GARRE1: variants seen among roughly 807,000 people sequenced by gnomAD.
GARRE1 encodes the protein granule associated Rac and RHOG effector protein 1.
Under a neutral mutation model 103.2 loss-of-function variants are expected in GARRE1, and 49 were observed. The observed-to-expected ratio is 0.47, with a 90% CI of 0.38 to 0.60. GARRE1 has a LOEUF of 0.60. Among genes scored for constraint, GARRE1 ranks in the 20% least tolerant of loss-of-function variants. GARRE1 has a pLI of 0.00. For synonymous variants in GARRE1, 505 were observed against 532.8 expected (o/e 0.95, Z 0.72); for missense variants, 1,199 against 1,370.5 (o/e 0.87, Z 1.98).
At chr19:34,338,489 G>C (rs1004336519) in intron 8 of GARRE1, among the ~76,000 whole-genome samples, 11 of 152,154 alleles carry the variant, frequency 7.2e-5, no homozygotes, top group Admixed American at 3.9e-4. Context: ...AGTGAGCTTT[G>C]ATCACACCAC....
At chr19:34,313,061 G>A (rs1599768478) in intron 2 of GARRE1, among the ~76,000 whole-genome samples, 1 of 152,234 alleles carries the variant, frequency 6.6e-6, no homozygotes, top group East Asian at 1.9e-4. Flanking sequence ...ATGGGGAGTA[G>A]TGGGGAAGAG....
chr19:34,327,683 T>C, intron 4 of GARRE1, 88 bp from the exon 5 acceptor site: 1 of 1,480,528 alleles, frequency 6.8e-7, no homozygotes, highest in Non-Finnish European at 9.3e-7. Context: ...TTAATAGCTA[T>C]AGAAATTTAA....
chr19:34,348,176 G>C, intron 11 of GARRE1, 134 bp downstream of exon 11: 1 of 727,996 alleles, frequency 1.4e-6, no homozygotes, highest in Non-Finnish European at 2.0e-6. Context: ...GTGAGAGAGT[G>C]ACATGGGATG....
Position 34,354,784 on chromosome 19 carries a change from G to A in GARRE1, c.*1829G>A, listed in dbSNP as rs1427818225. On this transcript the variant is annotated 3_prime_UTR_variant, in exon 14 of 14. Coordinates refer to ENST00000299505, the MANE Select transcript of GARRE1 (RefSeq NM_014686.5). ...CTGAGCCCAGCCACCTGAGTTTTTAGTACTGTGTTGTCAGGCTCTTCCCAG... is the reference window on the plus strand; with the variant it reads ...CTGAGCCCAGCCACCTGAGTTTTTAATACTGTGTTGTCAGGCTCTTCCCAG... 1 of 152,578 alleles carries A rather than the reference G, an allele frequency of 6.6e-6. No homozygotes were observed. The highest frequency in any genetic ancestry group is 1.5e-5 in the Non-Finnish European group (1 of 68,066). The allele number at this position is 152,578 out of a possible 1,614,324, so 9.5% of individuals were successfully genotyped here.
chr19:34,259,935 T>G (rs545626589), intron 1 of GARRE1, among the ~76,000 whole-genome samples: 2 of 152,378 alleles, frequency 1.3e-5, no homozygotes, highest in African/African-American at 4.8e-5. Flanking sequence ...CTCATTCTTC[T>G]TGCTGCTGCC....
At chr19:34,261,059 C>T (rs928415056) in intron 1 of GARRE1, among the ~76,000 whole-genome samples, 1 of 152,180 alleles carries the variant, frequency 6.6e-6, no homozygotes, top group African/African-American at 2.4e-5. Context: ...ATGGGCGTGT[C>T]CCTGTTGTTG....
At chr19:34,346,280 T>C (rs192475722) in intron 10 of GARRE1, among the ~76,000 whole-genome samples, 2 of 152,268 alleles carry the variant, frequency 1.3e-5, no homozygotes, top group African/African-American at 4.8e-5. Context: ...TTTGACACTT[T>C]CTGTAAACGC....
At position 34,267,223 on chromosome 19, in the gene GARRE1, C is replaced by A. The variant is rs565131694; in HGVS notation, c.-796+12609C>A. 1.2e-4 allele frequency among the ~76,000 whole-genome samples: 19 copies of A among 152,284 alleles called. No homozygotes were observed. The South Asian group carries it at 3.3e-3, about 27-fold the overall frequency. On this transcript the variant is annotated intron_variant, in intron 1 of 13. Coordinates refer to ENST00000299505, the MANE Select transcript of GARRE1 (RefSeq NM_014686.5). ...AAGGCTGCAGTGAGCCGCGATCACA[C>A]AACTGCAGTACTCTAGCCTTGGCAA...
Position 34,300,841 on chromosome 19 carries a change from A to G in GARRE1, c.368A>G (p.His123Arg). ...ACACAGCTCAAAGATGTGCAGGAGC[A>G]TGTCATGGAAGCAGCCAGTCGGCTG... The part of the protein sequence containing the change: ...AATQLKDVQE[H>R]VMEAASRLTS... Residue 123 changes from histidine to arginine, a missense_variant, in exon 2 of 14, where the codon CAT becomes CGT. Physicochemically the swap from His to Arg is conservative, Grantham distance 29. Coordinates refer to ENST00000299505, the MANE Select transcript of GARRE1 (RefSeq NM_014686.5). The G allele has an allele frequency of 2.5e-6, 4 of 1,614,154 alleles. No homozygotes were observed. Among genetic ancestry groups the G allele is most frequent in the Non-Finnish European group, 3.4e-6 (4 of 1,180,050 alleles).
rs139445210 is a variant in GARRE1 at position 34,327,516 on chromosome 19, G to A, written c.801G>A (p.Glu267=). 81 of 1,614,100 alleles carry A rather than the reference G, an allele frequency of 5.0e-5. No individual in the cohort carries two copies. The highest frequency in any genetic ancestry group is 6.4e-5 in the Non-Finnish European group (76 of 1,180,014). The change falls in exon 4 of 14, where the codon GAG becomes GAA. Residue 267 remains glutamate (E), a synonymous_variant. Coordinates refer to ENST00000299505, the MANE Select transcript of GARRE1 (RefSeq NM_014686.5). ...GTTCTCAAAGTGCAGCAATTCCTGA[G>A]CACCAGCTAAAAGAACTGAACATAA... ...LFCSQSAAIP[E]HQLKELNIKI... is the part of the protein sequence containing the mutation.
Position 34,300,551 on chromosome 19 carries a change from G to C in GARRE1, c.78G>C (p.Val26=), listed in dbSNP as rs915180197. The C allele has an allele frequency of 6.2e-7, 1 of 1,613,560 alleles. No homozygotes were observed. Among genetic ancestry groups the C allele is most frequent in the Admixed American group, 1.7e-5 (1 of 60,010 alleles). The change falls in exon 2 of 14, where the codon GTG becomes GTC. Residue 26 remains valine, a synonymous_variant. Transcript: ENST00000299505. ...TGCTTGGCGGGTCCAAGCAGAAGGTGCAGCAGCACCAGCAATACCCGATGC... is the reference window on the plus strand; with the variant it reads ...TGCTTGGCGGGTCCAAGCAGAAGGTCCAGCAGCACCAGCAATACCCGATGC... The part of the protein sequence containing the change: ...RFLLGGSKQK[V]QQHQQYPMPE...
chr19:34,273,160 C>T (rs866906261), intron 1 of GARRE1, among the ~76,000 whole-genome samples: 1 of 152,198 alleles, frequency 6.6e-6, no homozygotes, highest in South Asian at 2.1e-4. Flanking sequence ...CGAGATTGTG[C>T]CACTGTACTC....
chr19:34,297,436 A>C (rs2073953371), intron 1 of GARRE1, among the ~76,000 whole-genome samples: 1 of 152,224 alleles, frequency 6.6e-6, no homozygotes, highest in South Asian at 2.1e-4. Context: ...TTTTTTAATT[A>C]GGTAAGCATA....
intron 2 of GARRE1, among the ~76,000 whole-genome samples, chr19:34,319,058 C>A (rs1170431885): frequency 6.6e-6 from 1 of 151,924 alleles, no homozygotes; most frequent in African/African-American, 2.4e-5. Context: ...CACATTGTAA[C>A]TGTGGTTTAT....
In GARRE1 at chr19:34,286,533, C is replaced by CTT. The variant is rs34242130; in HGVS notation, c.-795-13132_-795-13131dup. On this transcript the variant is annotated intron_variant, in intron 1 of 13. Transcript: ENST00000299505. ...CGTGCCCAGCCAACCTTTCTGTATT[C>CTT]TTTTTTTTTTTTTTTGAGACGGAGT... is the stretch of plus-strand genomic sequence containing the variant. Among the ~76,000 whole-genome samples the CTT allele has an allele frequency of 6.0e-4, 63 of 105,794 alleles. No homozygotes were observed. The South Asian group carries it at 0.018, about 30-fold the overall frequency. The allele number at this position is 105,794 out of a possible 152,430, so 69.4% of individuals were successfully genotyped here. A position where few individuals can be genotyped will look rare whatever the true frequency, so the allele number is the denominator to read the frequency against.
chr19:34,343,820 C>G (rs1382241234), intron 10 of GARRE1, among the ~76,000 whole-genome samples: 3 of 152,182 alleles, frequency 2.0e-5, no homozygotes, highest in Non-Finnish European at 4.4e-5. Flanking sequence ...GCAGCCCAGC[C>G]TGGGCAACAA....
intron 2 of GARRE1, among the ~76,000 whole-genome samples, chr19:34,314,330 A>G (rs954208806): frequency 7.2e-5 from 11 of 152,348 alleles, no homozygotes; most frequent in Admixed American, 7.2e-4. Flanking sequence ...AGCAAACTAT[A>G]AACACACAAT....
chr19:34,291,711 A>G (rs569268506), intron 1 of GARRE1, among the ~76,000 whole-genome samples: 10 of 152,332 alleles, frequency 6.6e-5, no homozygotes, highest in South Asian at 2.1e-4. Flanking sequence ...TCTCACGTCT[A>G]TACACTATTG....
chr19:34,266,230 G>A (rs1217544425), intron 1 of GARRE1, among the ~76,000 whole-genome samples: 5 of 152,332 alleles, frequency 3.3e-5, no homozygotes, highest in East Asian at 1.9e-4. Context: ...GAACCACTGC[G>A]GGCCTGCTCT....
Sources: gnomAD v4.1 joint callset for allele counts (sites outside exome capture counted in the v4.1 genomes callset) on GRCh38, gnomAD v4.1.1 for gene constraint, MANE v1.5 for transcripts, NCBI Gene and HGNC (gene_info 2026-07-23, HGNC 2026-07-21) for gene names.